ALKBH3: variants seen among roughly 807,000 people sequenced by gnomAD.
ALKBH3 encodes the protein alpha-ketoglutarate-dependent dioxygenase alkB homolog 3.
A neutral mutation model predicts 43.9 loss-of-function variants in ALKBH3; 51 were observed. That is an observed-to-expected ratio of 1.16 (90% CI 0.93 to 1.47). The LOEUF is 1.47. Ranked by LOEUF, ALKBH3 falls within the 40% of genes most tolerant of loss-of-function variation. ALKBH3 has a pLI of 0.00. For missense variants in ALKBH3, 361 were observed against 351.9 expected (o/e 1.03, Z -0.21); for synonymous variants, 102 against 115.2 (o/e 0.89, Z 0.73).
chr11:43,891,928 CT>C (rs2135182720), intron 6 of ALKBH3, 112 bp from the exon 7 acceptor site: 2 of 772,230 alleles, frequency 2.6e-6, no homozygotes, highest in East Asian at 5.4e-5. Context: ...ACAGCCCATT[CT>C]TACTTTTCTT....
chr11:43,906,299 G>A (rs1951895451), intron 8 of ALKBH3, among the ~76,000 whole-genome samples: 1 of 152,200 alleles, frequency 6.6e-6, no homozygotes, highest in Admixed American at 6.5e-5. Flanking sequence ...GCTGGGAAGA[G>A]TGGAGTATAA....
chr11:43,915,539 A>T (rs10838201), intron 8 of ALKBH3, among the ~76,000 whole-genome samples: 63,529 of 151,266 alleles, frequency 0.42, 13,547 homozygotes, highest in East Asian at 0.6. Context: ...CCCTCTTTTT[A>T]AAAAAAAATA....
intron 5 of ALKBH3, among the ~76,000 whole-genome samples, chr11:43,888,601 G>A (rs904119505): frequency 4.6e-5 from 7 of 152,206 alleles, no homozygotes; most frequent in African/African-American, 1.7e-4. Context: ...AGGAGCTTCT[G>A]CTGGAACAAT....
At chr11:43,890,436 G>A (rs915581547) in intron 6 of ALKBH3, among the ~76,000 whole-genome samples, 3 of 152,052 alleles carry the variant, frequency 2.0e-5, no homozygotes, top group Non-Finnish European at 4.4e-5. Flanking sequence ...CTCTAGCATC[G>A]AATTTTTTTC....
At chr11:43,896,005 C>T (rs1951815780) in intron 7 of ALKBH3, among the ~76,000 whole-genome samples, 1 of 152,200 alleles carries the variant, frequency 6.6e-6, no homozygotes, top group Admixed American at 6.5e-5. Context: ...ATTGTTTGAG[C>T]TGTAAGCTGA....
intron 8 of ALKBH3, among the ~76,000 whole-genome samples, chr11:43,912,953 G>C (rs1275209889): frequency 6.6e-6 from 1 of 152,044 alleles, no homozygotes; most frequent in Admixed American, 6.6e-5. Context: ...TTAATACATG[G>C]AACAGGCTAT....
intron 8 of ALKBH3, 136 bp downstream of exon 8, chr11:43,901,861 A>G (rs1951866236): frequency 1.9e-6 from 2 of 1,066,156 alleles, no homozygotes; most frequent in Non-Finnish European, 2.6e-6. Context: ...TCAAGTGACT[A>G]CTTCCCCATG....
At chr11:43,908,774 T>C (rs562462252) in intron 8 of ALKBH3, among the ~76,000 whole-genome samples, 5 of 152,370 alleles carry the variant, frequency 3.3e-5, no homozygotes, top group African/African-American at 9.6e-5. Flanking sequence ...AGGTATTTCA[T>C]TCAATTTCAT....
chr11:43,899,633 C>T lies in ALKBH3; in HGVS notation c.460-1883C>T, dbSNP rs146973984. The T allele has an allele frequency of 3.7e-3, 1,794 of 482,462 alleles. 16 individuals are homozygous for T. Among genetic ancestry groups the T allele is most frequent in the Middle Eastern group, 7.0e-3 (11 of 1,582 alleles). 29.9% of individuals were successfully genotyped at this position (482,462 alleles called of 1,614,324 possible). ...CCTCGGACAGCCAGCTCCACCCTCC[C>T]GCCGAGCAGAGACATTGTATGGACT... On this transcript the variant is annotated intron_variant, in intron 7 of 9. Coordinates refer to ENST00000302708, the MANE Select transcript of ALKBH3 (RefSeq NM_139178.4).
chr11:43,914,424 G>A (rs1951966199), intron 8 of ALKBH3, among the ~76,000 whole-genome samples: 1 of 152,152 alleles, frequency 6.6e-6, no homozygotes, highest in Non-Finnish European at 1.5e-5. Context: ...AGATCTTGTG[G>A]AAGAAGTCTG....
At chr11:43,911,392 T>C (rs1421488507) in intron 8 of ALKBH3, among the ~76,000 whole-genome samples, 2 of 152,084 alleles carry the variant, frequency 1.3e-5, no homozygotes. Flanking sequence ...GAAGCTGGGA[T>C]TTCTGCATTT....
intron 7 of ALKBH3, among the ~76,000 whole-genome samples, 177 bp downstream of exon 7, chr11:43,892,306 G>GA (rs1951789647): frequency 6.6e-6 from 1 of 152,142 alleles, no homozygotes; most frequent in African/African-American, 2.4e-5. Context: ...TAGAGGATGA[G>GA]AAAAAACTAG....
At chr11:43,896,268 TAC>T (rs71035662) in intron 7 of ALKBH3, among the ~76,000 whole-genome samples, 2,598 of 147,040 alleles carry the variant, frequency 0.018, 49 homozygotes, top group South Asian at 0.053. Flanking sequence ...ATAGGATAGA[TAC>T]ACACACACAC....
At position 43,911,138 on chromosome 11, in the gene ALKBH3, T is replaced by A. The variant is rs921967654; in HGVS notation, c.670-7900T>A. Among the ~76,000 whole-genome samples the A allele has an allele frequency of 2.6e-5, 4 of 152,190 alleles. No homozygotes were observed. The South Asian group carries it at 8.3e-4, about 32-fold the overall frequency. ...CTGTGGCTGCTGTGTGAAGAATAATTTGGGAAGAGGCAAGAGTAGGAGACT... is the reference window on the plus strand; with the variant it reads ...CTGTGGCTGCTGTGTGAAGAATAATATGGGAAGAGGCAAGAGTAGGAGACT... On this transcript the variant is annotated intron_variant, in intron 8 of 9. Coordinates refer to ENST00000302708, the MANE Select transcript of ALKBH3 (RefSeq NM_139178.4).
Position 43,919,972 on chromosome 11 carries a change from C to A in ALKBH3, c.823C>A (p.Arg275=). The A allele has an allele frequency of 1.9e-6, 3 of 1,614,138 alleles. No individual in the cohort carries two copies. Among genetic ancestry groups the A allele is most frequent in the Non-Finnish European group, 1.7e-6 (2 of 1,180,028 alleles). The change falls in exon 10 of 10, where the codon CGG becomes AGG. Residue 275 remains arginine (R), a synonymous_variant. Coordinates refer to ENST00000302708, the MANE Select transcript of ALKBH3 (RefSeq NM_139178.4). ...AGAACCGAGAGTGAACCTGACCTTT[C>A]GGACAGTCTATCCAGACCCTCGAGG... is the stretch of plus-strand genomic sequence containing the variant. ...SREPRVNLTF[R]TVYPDPRGAP... is the part of the protein sequence containing the mutation.
chr11:43,892,814 A>G (rs1222704358), intron 7 of ALKBH3, among the ~76,000 whole-genome samples: 1 of 152,250 alleles, frequency 6.6e-6, no homozygotes, highest in Non-Finnish European at 1.5e-5. Context: ...GCATTGGGAT[A>G]CACAGAAATG....
intron 8 of ALKBH3, chr11:43,909,227 A>T (rs1037978273): frequency 1.3e-5 from 2 of 152,210 alleles, no homozygotes; most frequent in African/African-American, 4.8e-5. Context: ...CTTCAGATCG[A>T]TGCTAGGATG....
intron 7 of ALKBH3, among the ~76,000 whole-genome samples, chr11:43,893,562 C>G (rs899378563): frequency 6.6e-6 from 1 of 152,130 alleles, no homozygotes; most frequent in South Asian, 2.1e-4. Flanking sequence ...TATTAAAATT[C>G]TTGATAATTC....
Position 43,884,053 on chromosome 11 carries a change from A to G in ALKBH3, c.218+36A>G, listed in dbSNP as rs758605695. ...TGCTGTCTTCCTGTAATTGTTGCCCACAGTGAAATGAAGAGCCTGGAATCT... is the reference window on the plus strand; with the variant it reads ...TGCTGTCTTCCTGTAATTGTTGCCCGCAGTGAAATGAAGAGCCTGGAATCT... On this transcript the variant is annotated intron_variant, in intron 4 of 9. Transcript: ENST00000302708. 1.9e-6 allele frequency: 3 copies of G among 1,612,440 alleles called. No homozygotes were observed. The African/African-American group carries it at 4.0e-5, about 22-fold the overall frequency.
Sources: gnomAD v4.1 joint callset for allele counts (sites outside exome capture counted in the v4.1 genomes callset) on GRCh38, gnomAD v4.1.1 for gene constraint, MANE v1.5 for transcripts, NCBI Gene and HGNC (gene_info 2026-07-23, HGNC 2026-07-21) for gene names.